ERG: variants seen among roughly 807,000 people sequenced by gnomAD.
The protein encoded by ERG is transcriptional regulator ERG.
A neutral mutation model predicts 55.3 loss-of-function variants in ERG; 9 were observed. The observed-to-expected ratio is 0.16, with a 90% CI of 0.10 to 0.28. The LOEUF is 0.28. Ranked by LOEUF, ERG falls within the 10% of genes least tolerant of loss-of-function variation. ERG has a pLI of 1.00. For synonymous variants in ERG, 223 were observed against 237.3 expected (o/e 0.94, Z 0.55); for missense variants, 434 against 631.6 (o/e 0.69, Z 3.35).
intron 1 of ERG, among the ~76,000 whole-genome samples, chr21:38,582,694 A>G (rs1197661011): frequency 6.6e-6 from 1 of 152,260 alleles, no homozygotes; most frequent in African/African-American, 2.4e-5. Flanking sequence ...AATCATTATA[A>G]TTAAGAAAGT....
intron 1 of ERG, among the ~76,000 whole-genome samples, chr21:38,487,455 A>G (rs1379983995): frequency 6.6e-6 from 1 of 152,210 alleles, no homozygotes; most frequent in African/African-American, 2.4e-5. Flanking sequence ...GCTACAGGCT[A>G]AAGAAAATAA....
At chr21:38,509,797 G>A (rs1230532088) in intron 2 of ERG, among the ~76,000 whole-genome samples, 1 of 152,184 alleles carries the variant, frequency 6.6e-6, no homozygotes, top group East Asian at 1.9e-4. Flanking sequence ...GGGAGAGGGT[G>A]GGGATTCATT....
intron 1 of ERG, among the ~76,000 whole-genome samples, chr21:38,474,985 G>C (rs2059174571): frequency 6.6e-6 from 1 of 152,084 alleles, no homozygotes. Context: ...CTGCACACTA[G>C]CTACCATTAT....
chr21:38,528,190 T>C (rs1192110286), intron 2 of ERG, among the ~76,000 whole-genome samples: 1 of 152,188 alleles, frequency 6.6e-6, no homozygotes, highest in African/African-American at 2.4e-5. Context: ...CCTCTTCTCA[T>C]AAGGACACCA....
chr21:38,560,308 A>G (rs2059885155), intron 2 of ERG, among the ~76,000 whole-genome samples: 1 of 151,924 alleles, frequency 6.6e-6, no homozygotes, highest in Non-Finnish European at 1.5e-5. Context: ...TCCCACTAGG[A>G]TCTCCCTTCA....
At chr21:38,389,202 T>C (rs781771612) in intron 9 of ERG, among the ~76,000 whole-genome samples, 13 of 152,136 alleles carry the variant, frequency 8.5e-5, no homozygotes, top group Non-Finnish European at 1.3e-4. Flanking sequence ...AAAACAAAAG[T>C]AGACTTTGCA....
chr21:38,516,779 T>C (rs1479882762), intron 2 of ERG, among the ~76,000 whole-genome samples: 2 of 151,930 alleles, frequency 1.3e-5, no homozygotes, highest in East Asian at 3.9e-4. Context: ...CATAGACCAA[T>C]GGAACAGAAT....
intron 2 of ERG, among the ~76,000 whole-genome samples, chr21:38,510,040 C>T (rs565123352): frequency 7.2e-5 from 11 of 152,276 alleles, no homozygotes; most frequent in East Asian, 1.9e-4. Flanking sequence ...GGCACAGGGA[C>T]GTGCACAGGT....
intron 1 of ERG, among the ~76,000 whole-genome samples, chr21:38,657,892 G>T (rs892275043): frequency 6.6e-6 from 1 of 152,110 alleles, no homozygotes; most frequent in Non-Finnish European, 1.5e-5. Flanking sequence ...CCCAAATACC[G>T]CAGTGATTTT....
At position 38,644,201 on chromosome 21, in the gene ERG, T is replaced by C. The variant is rs143832098; in HGVS notation, c.-150+17457A>G. Among the ~76,000 whole-genome samples, 320 of 152,316 alleles carry C rather than the reference T, an allele frequency of 2.1e-3. 2 individuals are homozygous for C. Among genetic ancestry groups the C allele is most frequent in the Non-Finnish European group, 1.4e-3 (92 of 68,024 alleles). ...GCAGCCACTGGCTTCTGAAATCCAA[T>C]GGAAGAGGCGGCACCATTTAGTAGC... On this transcript the variant is annotated intron_variant, in intron 1 of 10. Transcript: ENST00000398910.
intron 2 of ERG, among the ~76,000 whole-genome samples, chr21:38,525,688 G>A (rs565191315): frequency 1.3e-3 from 202 of 152,300 alleles, no homozygotes; most frequent in African/African-American, 4.6e-3. Flanking sequence ...TGGGGGAGGA[G>A]AGGCACCTGC....
intron 1 of ERG, among the ~76,000 whole-genome samples, chr21:38,482,394 G>A (rs1432253426): frequency 2.0e-5 from 3 of 152,168 alleles, no homozygotes; most frequent in Non-Finnish European, 4.4e-5. Context: ...TGAGAAAAGG[G>A]AATCCTTGCA....
At chr21:38,561,169 G>A (rs2059890620) in intron 2 of ERG, among the ~76,000 whole-genome samples, 1 of 152,028 alleles carries the variant, frequency 6.6e-6, no homozygotes, top group South Asian at 2.1e-4. Context: ...CCTTTTATTG[G>A]ATATATGTTA....
At chr21:38,523,158 T>C (rs59887250) in intron 2 of ERG, among the ~76,000 whole-genome samples, 24,669 of 152,080 alleles carry the variant, frequency 0.16, 2,093 homozygotes, top group African/African-American at 0.22. Flanking sequence ...AAATATGCCC[T>C]ATCATTCTTA....
intron 2 of ERG, among the ~76,000 whole-genome samples, chr21:38,547,680 G>A (rs1366985500): frequency 6.6e-6 from 1 of 152,164 alleles, no homozygotes; most frequent in African/African-American, 2.4e-5. Flanking sequence ...GATTTTCATA[G>A]ACAAAATAAC....
At chr21:38,645,256 C>T (rs562298288) in intron 1 of ERG, among the ~76,000 whole-genome samples, 2 of 152,252 alleles carry the variant, frequency 1.3e-5, no homozygotes, top group Admixed American at 1.3e-4. Flanking sequence ...AATTACTAAG[C>T]TCAAAGGGAA....
intron 2 of ERG, among the ~76,000 whole-genome samples, chr21:38,513,543 A>C (rs1184757331): frequency 6.6e-6 from 1 of 152,220 alleles, no homozygotes; most frequent in African/African-American, 2.4e-5. Context: ...AAAAACACGT[A>C]ATATAAAATC....
chr21:38,455,868 T>TGGCCC (rs2058983617), intron 1 of ERG, among the ~76,000 whole-genome samples: 1 of 130,644 alleles, frequency 7.7e-6, no homozygotes, highest in African/African-American at 2.8e-5. Flanking sequence ...ATTGGTACGG[T>TGGCCC]CCCCCCCCTC....
At position 38,607,270 on chromosome 21, in the gene ERG, T is replaced by C. The variant is rs2060201753; in HGVS notation, c.-149-22325A>G. On this transcript the variant is annotated intron_variant, in intron 1 of 10. Transcript: ENST00000398910. ...GATTTTACTACTTACAGACACTTAA[T>C]TAAAGAGCTATTAGAGTATATCTTC... Among the ~76,000 whole-genome samples the C allele has an allele frequency of 2.0e-5, 3 of 152,124 alleles. No homozygotes were observed. The South Asian group carries it at 6.2e-4, about 32-fold the overall frequency.
Sources: gnomAD v4.1 joint callset for allele counts (sites outside exome capture counted in the v4.1 genomes callset) on GRCh38, gnomAD v4.1.1 for gene constraint, MANE v1.5 for transcripts, NCBI Gene and HGNC (gene_info 2026-07-23, HGNC 2026-07-21) for gene names.